SIGLEC8: variants seen among roughly 807,000 people sequenced by gnomAD.
SIGLEC8 encodes sialic acid-binding Ig-like lectin 8.
Under a neutral mutation model 42.1 loss-of-function variants are expected in SIGLEC8, and 32 were observed. The ratio of observed to expected loss-of-function variants is 0.76; its 90% CI spans 0.57 to 1.02. The LOEUF (loss-of-function observed/expected upper bound fraction) is 1.02. Ranked by LOEUF, SIGLEC8 falls within the 50% of genes least tolerant of loss-of-function variation. The pLI, the probability that SIGLEC8 is intolerant of heterozygous loss-of-function variation, is 0.00. For missense variants in SIGLEC8, 611 were observed against 610.2 expected (o/e 1.00, Z -0.01); for synonymous variants, 262 against 260.3 (o/e 1.01, Z -0.06).
In SIGLEC8 at chr19:51,454,881, C is replaced by A; in HGVS notation, c.1052-101G>T. ...GGCCCTAGACTTCCATTCCCCTCTT[C>A]TCCTTCCCAGACACAGAATACGAAT... On this transcript the variant is annotated intron_variant, in intron 4 of 6. Transcript: ENST00000321424. The surrounding 1 kb of genome is among the most constrained non-coding windows in gnomAD (Gnocchi z 4.7). 1.2e-6 allele frequency: 1 copy of A among 800,516 alleles called. No homozygotes were observed. Among genetic ancestry groups the A allele is most frequent in the Non-Finnish European group, 2.1e-6 (1 of 469,218 alleles). The allele number at this position is 800,516 out of a possible 1,614,324, so 49.6% of individuals were successfully genotyped here.
chr19:51,454,786 G>T lies in SIGLEC8; in HGVS notation c.1052-6C>A, dbSNP rs1180145429. On this transcript the variant is annotated splice_region_variant and splice_polypyrimidine_tract_variant and intron_variant, in intron 4 of 6. Coordinates refer to ENST00000321424, the MANE Select transcript of SIGLEC8 (RefSeq NM_014442.3). This position sits in a 1 kb window ranked among gnomAD's most constrained non-coding sequence, Gnocchi z 4.7. The stretch of plus-strand genomic sequence containing the variant: ...TGATACAGGTCTTGAGGTGCCTGCA[G>T]ATGGATTGGAGTTGCTTTGGGGATT... The T allele has an allele frequency of 6.2e-7, 1 of 1,611,278 alleles. No individual in the cohort carries two copies. Among genetic ancestry groups the T allele is most frequent in the Non-Finnish European group, 8.5e-7 (1 of 1,177,580 alleles).
rs748501392 is a variant in SIGLEC8 at position 51,457,301 on chromosome 19, G to A, written c.734-70C>T. The A allele has an allele frequency of 3.3e-5, 51 of 1,526,874 alleles. 1 individual carries two copies. The highest frequency in any genetic ancestry group is 4.1e-5 in the Non-Finnish European group (46 of 1,115,808). 94.6% of individuals were successfully genotyped at this position (1,526,874 alleles called of 1,614,324 possible). Reference sequence around the variant, plus strand: ...GGACATTGGCCCTGTCTTCCCAGGAGCTGCAAATACAGGGAAAATGGAGTC... The same window carrying A: ...GGACATTGGCCCTGTCTTCCCAGGAACTGCAAATACAGGGAAAATGGAGTC... On this transcript the variant is annotated intron_variant, in intron 2 of 6. Transcript: ENST00000321424.
At chr19:51,457,891 T>A in intron 1 of SIGLEC8, 43 bp downstream of exon 1, 1 of 1,595,360 alleles carries the variant, frequency 6.3e-7, no homozygotes, top group Non-Finnish European at 8.6e-7. Flanking sequence ...TTTCAGCCCC[T>A]CATGACCTTC....
chr19:51,458,210 CAG>C lies in SIGLEC8; in HGVS notation c.176_177del (p.Ser59Ter). 1 of 1,614,130 alleles carries C rather than the reference CAG, an allele frequency of 6.2e-7. No individual in the cohort carries two copies. The highest frequency in any genetic ancestry group is 8.5e-7 in the Non-Finnish European group (1 of 1,180,028). ...FSYPQDGWTD[S>X]DPVHGYWFRA... is the part of the protein sequence containing the mutation. ...CGGAACCAGTAGCCATGAACTGGGT[CAG>C]AGTCAGTCCAGCCATCCTGGGGGTA... On this transcript the variant is annotated frameshift_variant, in exon 1 of 7. Transcript: ENST00000321424. LOFTEE classifies it high-confidence loss of function.
chr19:51,453,247 C>A (rs117805505), intron 6 of SIGLEC8, among the ~76,000 whole-genome samples: 4,606 of 152,018 alleles, frequency 0.03, 114 homozygotes, highest in Non-Finnish European at 0.045. Context: ...CACCACCATG[C>A]CTGGTTAAGT....
At chr19:51,455,304 C>T in intron 4 of SIGLEC8, 114 bp downstream of exon 4, 1 of 1,355,912 alleles carries the variant, frequency 7.4e-7, no homozygotes, top group Non-Finnish European at 1.0e-6. Context: ...AAGTTCCAGG[C>T]CTCACAGCTG....
rs919433257 is a variant in SIGLEC8, at chr19:51,451,485, C to T, written c.*894G>A. On this transcript the variant is annotated 3_prime_UTR_variant, in exon 7 of 7. Coordinates refer to ENST00000321424, the MANE Select transcript of SIGLEC8 (RefSeq NM_014442.3). Reference sequence around the variant, plus strand: ...CCTCTTTTGTAAAAGTCAATGCCCTCAAGGAATTTATTTCCTGAAAACTTA... The same window carrying T: ...CCTCTTTTGTAAAAGTCAATGCCCTTAAGGAATTTATTTCCTGAAAACTTA... The T allele has an allele frequency of 9.9e-5, 15 of 152,212 alleles. No individual in the cohort carries two copies. The highest frequency in any genetic ancestry group is 3.6e-4 in the African/African-American group (15 of 41,440). The allele number at this position is 152,212 out of a possible 1,614,324, so 9.4% of individuals were successfully genotyped here. A position where few individuals can be genotyped will look rare whatever the true frequency, so the allele number is the denominator to read the frequency against.
chr19:51,456,212 G>GTAT (rs1202025548), intron 3 of SIGLEC8, among the ~76,000 whole-genome samples: 14 of 150,762 alleles, frequency 9.3e-5, no homozygotes, highest in African/African-American at 3.2e-4. Context: ...AAAACTTAAA[G>GTAT]TATAATAATA....
In SIGLEC8 at chr19:51,455,806, C is replaced by T; in HGVS notation, c.782-119G>A. Reference sequence around the variant, plus strand: ...TTTATTGTGGCACTATTCACAATAGCAAAGACTTGGAACCAGCCCAAATGT... The same window carrying T: ...TTTATTGTGGCACTATTCACAATAGTAAAGACTTGGAACCAGCCCAAATGT... On this transcript the variant is annotated intron_variant, in intron 3 of 6. Coordinates refer to ENST00000321424, the MANE Select transcript of SIGLEC8 (RefSeq NM_014442.3). 3.2e-6 allele frequency: 3 copies of T among 938,658 alleles called. 1 individual carries two copies. Among genetic ancestry groups the T allele is most frequent in the Middle Eastern group, 5.8e-4 (2 of 3,460 alleles). 58.1% of individuals were successfully genotyped at this position (938,658 alleles called of 1,614,324 possible). A position where few individuals can be genotyped will look rare whatever the true frequency, so the allele number is the denominator to read the frequency against.
chr19:51,454,535 G>T lies in SIGLEC8; in HGVS notation c.1148+149C>A. On this transcript the variant is annotated intron_variant, in intron 5 of 6. Transcript: ENST00000321424. This position sits in a 1 kb window ranked among gnomAD's most constrained non-coding sequence, Gnocchi z 4.7. Reference sequence around the variant, plus strand: ...GATGTGGAGCCCCACAGACAAGGACGCTCGTGAAATGCTCACCGTGCACCC... The same window carrying T: ...GATGTGGAGCCCCACAGACAAGGACTCTCGTGAAATGCTCACCGTGCACCC... The T allele has an allele frequency of 2.0e-6, 2 of 1,001,668 alleles. No individual in the cohort carries two copies. Among genetic ancestry groups the T allele is most frequent in the African/African-American group, 1.6e-5 (1 of 61,240 alleles). 62.0% of individuals were successfully genotyped at this position (1,001,668 alleles called of 1,614,324 possible).
chr19:51,455,721 C>G (rs1989475371), intron 3 of SIGLEC8, 34 bp from the exon 4 acceptor site: 3 of 1,571,870 alleles, frequency 1.9e-6, no homozygotes, highest in Non-Finnish European at 1.7e-6. Context: ...CATCCCATTA[C>G]TGGGTATATA....
rs1401319123 is a variant in SIGLEC8, at chr19:51,458,324, G to T, written c.64C>A (p.Gln22Lys). 1.2e-6 allele frequency: 2 copies of T among 1,614,008 alleles called. No individual in the cohort carries two copies. The highest frequency in any genetic ancestry group is 3.3e-5 in the Admixed American group (2 of 60,016). Reference protein sequence around the residue: ...WGTKGMEGDRQYGDGYLLQVQ... With the variant: ...WGTKGMEGDRKYGDGYLLQVQ... Reference sequence around the variant, plus strand: ...TGCAGCAAGTAACCATCCCCATATTGTCTGTCTCCCTCCATCCCCTTTGTC... The same window carrying T: ...TGCAGCAAGTAACCATCCCCATATTTTCTGTCTCCCTCCATCCCCTTTGTC... The change falls in exon 1 of 7, where the codon CAA becomes AAA. Residue 22 changes from glutamine (Q) to lysine (K), a missense_variant. Gln to Lys is a moderately conservative substitution (Grantham distance 53, BLOSUM62 1). Transcript: ENST00000321424.
rs147293847 is a variant in SIGLEC8 at position 51,457,615 on chromosome 19, C to T, written c.579G>A (p.Gly193=). ...QGTPPMISWI[G]ASVSSPGPTT... is the part of the protein sequence containing the mutation. ...TGGGGCCCGGGGAGGACACGGAGGC[C>T]CCAATCCAGGAGATCATGGGGGGTG... Residue 193 remains glycine (G), a synonymous_variant, in exon 2 of 7, where the codon GGG becomes GGA. Transcript: ENST00000321424. The T allele has an allele frequency of 4.5e-5, 72 of 1,612,648 alleles. No individual in the cohort carries two copies. The African/African-American group carries it at 5.9e-4, about 13-fold the overall frequency.
chr19:51,454,162 A>G lies in SIGLEC8; in HGVS notation c.1245+57T>C. 1.2e-6 allele frequency: 2 copies of G among 1,609,228 alleles called. No homozygotes were observed. The highest frequency in any genetic ancestry group is 1.7e-6 in the Non-Finnish European group (2 of 1,177,320). ...ACCAAAGAGAGCGATCCTGGGGGCC[A>G]TCCTGTCAGAGGTGTCCAGGCTGGA... is the stretch of plus-strand genomic sequence containing the variant. On this transcript the variant is annotated intron_variant, in intron 6 of 6. Coordinates refer to ENST00000321424, the MANE Select transcript of SIGLEC8 (RefSeq NM_014442.3). This position sits in a 1 kb window ranked among gnomAD's most constrained non-coding sequence, Gnocchi z 4.7.
intron 3 of SIGLEC8, among the ~76,000 whole-genome samples, chr19:51,456,853 A>T (rs1276291733): frequency 6.6e-6 from 1 of 152,226 alleles, no homozygotes; most frequent in Non-Finnish European, 1.5e-5. Flanking sequence ...TATTCAGGAG[A>T]TGCCTGACAA....
In SIGLEC8 at chr19:51,457,191, A is replaced by G. The variant is rs745355582; in HGVS notation, c.774T>C (p.Asp258=). ...GAGGGGGCTCTGTCCTACCTGTGGC[A>G]TCTCCTTGGAAGACAGTCATGGTCA... is the stretch of plus-strand genomic sequence containing the variant. ...WNLTMTVFQG[D]ATASTALGNG... The change falls in exon 3 of 7, where the codon GAT becomes GAC. Residue 258 remains aspartate (D), a synonymous_variant. Coordinates refer to ENST00000321424, the MANE Select transcript of SIGLEC8 (RefSeq NM_014442.3). The G allele has an allele frequency of 5.8e-5, 93 of 1,613,752 alleles. No individual in the cohort carries two copies. Among genetic ancestry groups the G allele is most frequent in the Non-Finnish European group, 7.9e-5 (93 of 1,179,874 alleles).
At position 51,455,668 on chromosome 19, in the gene SIGLEC8, A is replaced by G. The variant is rs746929082; in HGVS notation, c.801T>C (p.Asn267=). The stretch of plus-strand genomic sequence containing the variant: ...CCTCAAGGACTGAAAGAGATGAGCC[A>G]TTTCCCAGGGCTGTGGATGCTGCAG... ...GDATASTALG[N]GSSLSVLEGQ... is the part of the protein sequence containing the mutation. Residue 267 remains asparagine, a synonymous_variant, in exon 4 of 7, where the codon AAT becomes AAC. Coordinates refer to ENST00000321424, the MANE Select transcript of SIGLEC8 (RefSeq NM_014442.3). The G allele has an allele frequency of 5.0e-6, 8 of 1,613,534 alleles. No individual in the cohort carries two copies. Among genetic ancestry groups the G allele is most frequent in the Non-Finnish European group, 6.8e-6 (8 of 1,179,726 alleles).
chr19:51,452,672 G>A (rs779805207), intron 6 of SIGLEC8, 39 bp from the exon 7 acceptor site: 2 of 1,458,494 alleles, frequency 1.4e-6, no homozygotes, highest in Non-Finnish European at 9.1e-7. Context: ...ACAGAGCAGT[G>A]GGGCCAGGAT....
At chr19:51,455,977 A>G (rs986454787) in intron 3 of SIGLEC8, among the ~76,000 whole-genome samples, 4 of 151,726 alleles carry the variant, frequency 2.6e-5, no homozygotes, top group Non-Finnish European at 5.9e-5. Context: ...TTGCAAGGAC[A>G]AAAAAACAAA....
Sources: gnomAD v4.1 joint callset for allele counts (sites outside exome capture counted in the v4.1 genomes callset) on GRCh38, gnomAD v4.1.1 for gene constraint, Gnocchi (gnomAD v3.1) non-coding constraint, MANE v1.5 for transcripts, NCBI Gene and HGNC (gene_info 2026-07-23, HGNC 2026-07-21) for gene names.